OSBPL3: variants seen among roughly 807,000 people sequenced by gnomAD.
OSBPL3 encodes oxysterol binding protein like 3.
OSBPL3 carries 65 observed loss-of-function variants against 120.1 expected under a neutral mutation model. The observed-to-expected ratio is 0.54, with a 90% CI of 0.44 to 0.67. The LOEUF (loss-of-function observed/expected upper bound fraction) is 0.67, where lower values mean the gene tolerates loss of function less well. OSBPL3 is among the 30% of genes least tolerant of loss of function. The pLI, the probability that OSBPL3 is intolerant of heterozygous loss-of-function variation, is 0.00. For missense variants in OSBPL3, 1,004 were observed against 1,082.1 expected, an observed-to-expected ratio of 0.93 and a Z score of 1.01; for synonymous variants, 416 against 402.6, an observed-to-expected ratio of 1.03 and a Z score of -0.40.
chr7:24,818,276 C>T lies in OSBPL3; in HGVS notation c.1949-1588G>A, dbSNP rs926313360. On this transcript the variant is annotated intron_variant, in intron 17 of 22. Coordinates refer to ENST00000313367, the MANE Select transcript of OSBPL3 (RefSeq NM_015550.4). This position sits in a 1 kb window ranked among gnomAD's most constrained non-coding sequence, Gnocchi z 4.0. The stretch of plus-strand genomic sequence containing the variant: ...AAATTCACAATTCTGTGAATAAAAA[C>T]CATTGAATTGTACACTTTACACGGG... Among the ~76,000 whole-genome samples the T allele has an allele frequency of 6.6e-6, 1 of 151,976 alleles. No individual in the cohort carries two copies. The highest frequency in any genetic ancestry group is 2.4e-5 in the African/African-American group (1 of 41,330).
rs773698334 is a variant in OSBPL3, at chr7:24,861,691, T to C, written c.949A>G (p.Lys317Glu). The C allele has an allele frequency of 1.9e-6, 3 of 1,612,010 alleles. No homozygotes were observed. The highest frequency in any genetic ancestry group is 2.2e-5 in the South Asian group (2 of 90,926). The change falls in exon 10 of 23, where the codon AAA becomes GAA. Residue 317 changes from lysine (K) to glutamate (E), a missense_variant. By Grantham distance (56) the Lys-to-Glu change is moderately conservative. This residue lies in a region of OSBPL3 where 272 missense variants were observed against 248.8 expected (regional missense o/e 1.09). Transcript: ENST00000313367. ...NLSTLDFGEE[K>E]NYSDGSETSS... is the part of the protein sequence containing the mutation. ...GTTTCAGAGCCATCAGAATAATTTTTCTCTTCTCCAAAATCTAGTGTTGAC... is the reference window on the plus strand; with the variant it reads ...GTTTCAGAGCCATCAGAATAATTTTCCTCTTCTCCAAAATCTAGTGTTGAC...
intron 16 of OSBPL3, among the ~76,000 whole-genome samples, chr7:24,828,701 T>C (rs546935234): frequency 2.9e-4 from 44 of 151,010 alleles, no homozygotes; most frequent in African/African-American, 1.0e-3. Context: ...TCCATCAGTG[T>C]ATTATTTTGT....
intron 14 of OSBPL3, among the ~76,000 whole-genome samples, chr7:24,837,842 C>T (rs911050059): frequency 2.6e-5 from 4 of 152,156 alleles, no homozygotes; most frequent in Non-Finnish European, 4.4e-5. Flanking sequence ...AAGTCTGGTC[C>T]CTTAATCTGT....
At chr7:24,917,413 T>TATATTTGTAAC (rs1562924801) in intron 1 of OSBPL3, among the ~76,000 whole-genome samples, 15 of 141,068 alleles carry the variant, frequency 1.1e-4, no homozygotes, top group African/African-American at 3.7e-4. Flanking sequence ...TATATATATA[T>TATATTTGTAAC]ATATATATAT....
intron 1 of OSBPL3, 46 bp from the exon 2 acceptor site, chr7:24,892,667 T>A (rs1414057269): frequency 6.2e-6 from 8 of 1,287,156 alleles, no homozygotes; most frequent in Non-Finnish European, 6.9e-6. Context: ...TCAGATATCA[T>A]CTCTAATTTG....
In OSBPL3 at chr7:24,799,942, T is replaced by C. The variant is rs923465766; in HGVS notation, c.*241A>G. The stretch of plus-strand genomic sequence containing the variant: ...TGAACATTCAATCTTTCATTTTTAT[T>C]AAATAGTTTATATATAAAAAGAAAT... On this transcript the variant is annotated 3_prime_UTR_variant, in exon 23 of 23. Transcript: ENST00000313367. This position sits in a 1 kb window ranked among gnomAD's most constrained non-coding sequence, Gnocchi z 5.3. 2.9e-5 allele frequency: 6 copies of C among 206,214 alleles called. No homozygotes were observed. Among genetic ancestry groups the C allele is most frequent in the Non-Finnish European group, 3.9e-5 (4 of 103,800 alleles). The allele number at this position is 206,214 out of a possible 1,614,324, so 12.8% of individuals were successfully genotyped here.
chr7:24,884,991 G>T (rs1361016030), intron 2 of OSBPL3, among the ~76,000 whole-genome samples: 1 of 152,002 alleles, frequency 6.6e-6, no homozygotes, highest in Non-Finnish European at 1.5e-5. Context: ...GAAATTGAAA[G>T]AAATAAATGG....
rs373007242 is a variant in OSBPL3 at position 24,933,591 on chromosome 7, C to T, written c.-149-40970G>A. Among the ~76,000 whole-genome samples the T allele has an allele frequency of 9.9e-5, 15 of 152,148 alleles. No individual in the cohort carries two copies. Among genetic ancestry groups the T allele is most frequent in the African/African-American group, 3.4e-4 (14 of 41,436 alleles). The stretch of plus-strand genomic sequence containing the variant: ...AAAACACTTAAATCATTAATATTTC[C>T]GATTATGCTTCCATTCCCAAGAAAA... On this transcript the variant is annotated intron_variant, in intron 1 of 22. Coordinates refer to ENST00000313367, the MANE Select transcript of OSBPL3 (RefSeq NM_015550.4). The surrounding 1 kb of genome is among the most constrained non-coding windows in gnomAD (Gnocchi z 5.1).
In OSBPL3 at chr7:24,804,374, C is replaced by G; in HGVS notation, c.2508G>C (p.Gln836His). 6.2e-7 allele frequency: 1 copy of G among 1,614,128 alleles called. No individual in the cohort carries two copies. The highest frequency in any genetic ancestry group is 8.5e-7 in the Non-Finnish European group (1 of 1,180,002). ...EIQKQRIEQL[Q>H]RERRRVLEEN... ...CTTCTAAGACCCGCCGCCTTTCTCT[C>G]TGCAGTTGTTCAATCCTCTGCTTTT... The change falls in exon 22 of 23, where the codon CAG (glutamine) becomes CAC (histidine). Residue 836 changes from glutamine to histidine, a missense_variant. By Grantham distance (24) the Gln-to-His change is conservative. Around this residue, in one of 4 missense-constraint regions of OSBPL3, gnomAD observed 473 missense variants for 568.0 expected, o/e 0.83. Coordinates refer to ENST00000313367, the MANE Select transcript of OSBPL3 (RefSeq NM_015550.4). The surrounding 1 kb of genome is among the most constrained non-coding windows in gnomAD (Gnocchi z 5.4).
chr7:24,973,728 C>T (rs1327572314), intron 1 of OSBPL3, among the ~76,000 whole-genome samples: 4 of 152,202 alleles, frequency 2.6e-5, no homozygotes, highest in African/African-American at 9.6e-5. Flanking sequence ...CCTGCCTGCA[C>T]AAGCTTCTGC....
intron 1 of OSBPL3, among the ~76,000 whole-genome samples, chr7:24,949,119 G>A (rs1231936892): frequency 3.3e-5 from 5 of 152,138 alleles, no homozygotes; most frequent in Non-Finnish European, 4.4e-5. Context: ...GTAGTTGAGC[G>A]TAAATTCACC....
rs1812466160 is a variant in OSBPL3, at chr7:24,936,709, T to C, written c.-150+43177A>G. On this transcript the variant is annotated intron_variant, in intron 1 of 22. Coordinates refer to ENST00000313367, the MANE Select transcript of OSBPL3 (RefSeq NM_015550.4). This position sits in a 1 kb window ranked among gnomAD's most constrained non-coding sequence, Gnocchi z 4.2. ...GAGGGCCTGCTGGAGAACAGGTATG[T>C]AGAAGTTAGGGAAGATGTGAAGGGA... Among the ~76,000 whole-genome samples the C allele has an allele frequency of 6.6e-6, 1 of 152,100 alleles. No homozygotes were observed. Among genetic ancestry groups the C allele is most frequent in the South Asian group, 2.1e-4 (1 of 4,822 alleles).
chr7:24,801,701 T>C (rs1195549443), intron 22 of OSBPL3, among the ~76,000 whole-genome samples: 1 of 152,234 alleles, frequency 6.6e-6, no homozygotes, highest in Non-Finnish European at 1.5e-5. Context: ...TTAAATACTG[T>C]TTATGGCTGC....
rs1326452245 is a variant in OSBPL3, at chr7:24,980,112, C to T, written c.-376G>A. 5.3e-6 allele frequency: 5 copies of T among 946,546 alleles called. No homozygotes were observed. In the East Asian group the frequency reaches 3.5e-4, roughly 66 times the overall value. The allele number at this position is 946,546 out of a possible 1,614,324, so 58.6% of individuals were successfully genotyped here. A position where few individuals can be genotyped will look rare whatever the true frequency, so the allele number is the denominator to read the frequency against. Reference sequence around the variant, plus strand: ...CGGCCGCGAAGCGCTCAAGTCCCCTCTCCCGGGCCGGCTGGCGGGCGCCAC... The same window carrying T: ...CGGCCGCGAAGCGCTCAAGTCCCCTTTCCCGGGCCGGCTGGCGGGCGCCAC... On this transcript the variant is annotated 5_prime_UTR_variant, in exon 1 of 23. Transcript: ENST00000313367.
chr7:24,966,997 C>T lies in OSBPL3; in HGVS notation c.-150+12889G>A, dbSNP rs1242992447. Among the ~76,000 whole-genome samples the T allele has an allele frequency of 1.3e-5, 2 of 152,194 alleles. No individual in the cohort carries two copies. Among genetic ancestry groups the T allele is most frequent in the African/African-American group, 2.4e-5 (1 of 41,446 alleles). On this transcript the variant is annotated intron_variant, in intron 1 of 22. Coordinates refer to ENST00000313367, the MANE Select transcript of OSBPL3 (RefSeq NM_015550.4). This position sits in a 1 kb window ranked among gnomAD's most constrained non-coding sequence, Gnocchi z 4.8. ...ACTAATACATAAGATAAGCAATACA[C>T]TGCCACACAGGCAAATTCAGCTTAA...
Position 24,946,932 on chromosome 7 carries a change from T to C in OSBPL3, c.-150+32954A>G, listed in dbSNP as rs1040673863. ...CCCACAACACTCATCAGGAATCCAA[T>C]AAAGGTTTGCTGTTTGGCTTGTGCT... On this transcript the variant is annotated intron_variant, in intron 1 of 22. Transcript: ENST00000313367. The surrounding 1 kb of genome is among the most constrained non-coding windows in gnomAD (Gnocchi z 4.3). Among the ~76,000 whole-genome samples, 1 of 152,216 alleles carries C rather than the reference T, an allele frequency of 6.6e-6. No individual in the cohort carries two copies. The highest frequency in any genetic ancestry group is 1.5e-5 in the Non-Finnish European group (1 of 68,026).
rs955589848 is a variant in OSBPL3 at position 24,915,131 on chromosome 7, T to C, written c.-149-22510A>G. On this transcript the variant is annotated intron_variant, in intron 1 of 22. Transcript: ENST00000313367. ...GTGGGCAGGGAGAGAGAATGAGAAA[T>C]CTTTTAAGAGGGTTCCCACACAGCT... 3.9e-5 allele frequency among the ~76,000 whole-genome samples: 6 copies of C among 152,256 alleles called. No individual in the cohort carries two copies. In the East Asian group the frequency reaches 1.2e-3, roughly 29 times the overall value.
intron 1 of OSBPL3, among the ~76,000 whole-genome samples, chr7:24,909,539 C>T (rs973118937): frequency 6.6e-6 from 1 of 152,102 alleles, no homozygotes; most frequent in African/African-American, 2.4e-5. Flanking sequence ...AAACTTTAAT[C>T]GTGTTAAAGT....
chr7:24,912,730 A>AC lies in OSBPL3; in HGVS notation c.-149-20110dup, dbSNP rs1808997800. Among the ~76,000 whole-genome samples the AC allele has an allele frequency of 6.6e-6, 1 of 152,338 alleles. No individual in the cohort carries two copies. Among genetic ancestry groups the AC allele is most frequent in the Admixed American group, 6.5e-5 (1 of 15,306 alleles). ...GTGGAAGATGTATTTTTCAAAGACGACCATACCAATGTACATCCCATCCCA... is the reference window on the plus strand; with the variant it reads ...GTGGAAGATGTATTTTTCAAAGACGACCCATACCAATGTACATCCCATCCCA... On this transcript the variant is annotated intron_variant, in intron 1 of 22. Transcript: ENST00000313367. The surrounding 1 kb of genome is among the most constrained non-coding windows in gnomAD (Gnocchi z 4.5).
Sources: allele counts gnomAD v4.1 joint callset (sites outside exome capture counted in the v4.1 genomes callset), GRCh38; gene constraint gnomAD v4.1.1; regional missense constraint gnomAD v4.1.1; non-coding constraint Gnocchi (gnomAD v3.1); transcripts MANE v1.5; gene names NCBI Gene and HGNC (gene_info 2026-07-23, HGNC 2026-07-21).